The following NRP1 variants were observed in gnomAD, a reference collection of about 807,000 sequenced individuals.
NRP1 encodes the protein neuropilin-1.
In NRP1, 35 loss-of-function variants were observed where a neutral mutation model predicts 106.7. That is an observed-to-expected ratio of 0.33 (90% CI 0.25 to 0.43). NRP1 has a LOEUF of 0.43. Among genes scored for constraint, NRP1 ranks in the 20% least tolerant of loss-of-function variants. The pLI is 1.00. For synonymous variants in NRP1, 437 were observed against 417.9 expected, an observed-to-expected ratio of 1.05 and a Z score of -0.56; for missense variants, 1,024 against 1,170.4, an observed-to-expected ratio of 0.87 and a Z score of 1.83.
intron 9 of NRP1, among the ~76,000 whole-genome samples, chr10:33,209,408 A>G (rs886955045): frequency 1.3e-5 from 2 of 152,226 alleles, no homozygotes; most frequent in African/African-American, 4.8e-5. Context: ...GCTGGCCTTA[A>G]CTGGCGCCCT....
intron 6 of NRP1, among the ~76,000 whole-genome samples, chr10:33,228,512 C>T (rs1839856421): frequency 1.3e-5 from 2 of 152,224 alleles, no homozygotes; most frequent in African/African-American, 2.4e-5. Context: ...TTCTCCAGTG[C>T]CCATGGGCCA....
chr10:33,215,350 TCTCTAA>T (rs1838671544), intron 8 of NRP1, among the ~76,000 whole-genome samples: 2 of 152,154 alleles, frequency 1.3e-5, no homozygotes, highest in Admixed American at 1.3e-4. Flanking sequence ...ATTCCACTGC[TCTCTAA>T]GGCTTTAAGA....
rs1449059094 is a variant in NRP1, at chr10:33,286,367, T to G, written c.249-15511A>C. Among the ~76,000 whole-genome samples, 135 of 152,296 alleles carry G rather than the reference T, an allele frequency of 8.9e-4. 2 individuals are homozygous for G. The highest frequency in any genetic ancestry group is 2.1e-4 in the Non-Finnish European group (14 of 68,028). Reference sequence around the variant, plus strand: ...TGGATGACTAGACTTCCCCTCTGTGTTCTTATCCCTTGAATGCCTTGCTTT... The same window carrying G: ...TGGATGACTAGACTTCCCCTCTGTGGTCTTATCCCTTGAATGCCTTGCTTT... On this transcript the variant is annotated intron_variant, in intron 2 of 16. Coordinates refer to ENST00000374867, the MANE Select transcript of NRP1 (RefSeq NM_003873.7).
At chr10:33,285,275 A>G (rs1319079512) in intron 2 of NRP1, among the ~76,000 whole-genome samples, 1 of 152,228 alleles carries the variant, frequency 6.6e-6, no homozygotes, top group Non-Finnish European at 1.5e-5. Context: ...CCATGAATAG[A>G]ACTAAGCAAT....
intron 9 of NRP1, among the ~76,000 whole-genome samples, chr10:33,209,373 G>C (rs1168694024): frequency 2.0e-5 from 3 of 152,236 alleles, no homozygotes; most frequent in African/African-American, 7.2e-5. Flanking sequence ...CACACAGCAA[G>C]TGGCAGGGCC....
intron 2 of NRP1, among the ~76,000 whole-genome samples, chr10:33,287,621 T>C (rs1478118413): frequency 1.3e-5 from 2 of 152,180 alleles, no homozygotes; most frequent in Admixed American, 1.3e-4. Context: ...ACTATTGAGA[T>C]AGCTAGTTGA....
chr10:33,179,768 G>GGA lies in NRP1; in HGVS notation c.*306_*307dup, dbSNP rs142405266. The GGA allele has an allele frequency of 3.2e-4, 96 of 300,138 alleles. No homozygotes were observed. The highest frequency in any genetic ancestry group is 9.8e-4 in the Middle Eastern group (1 of 1,022). 18.6% of individuals were successfully genotyped at this position (300,138 alleles called of 1,614,324 possible). A position where few individuals can be genotyped will look rare whatever the true frequency, so the allele number is the denominator to read the frequency against. Reference sequence around the variant, plus strand: ...CCAAAAAGAATCCACAAAGGGGAGAGGAGAGAGAGAGAGAGGGGCAGGAGG... The same window carrying GGA: ...CCAAAAAGAATCCACAAAGGGGAGAGGAGAGAGAGAGAGAGAGGGGCAGGAGG... On this transcript the variant is annotated 3_prime_UTR_variant, in exon 17 of 17. Coordinates refer to ENST00000374867, the MANE Select transcript of NRP1 (RefSeq NM_003873.7).
At chr10:33,266,657 T>A (rs1325774125) in intron 3 of NRP1, among the ~76,000 whole-genome samples, 1 of 152,150 alleles carries the variant, frequency 6.6e-6, no homozygotes, top group African/African-American at 2.4e-5. Context: ...TGGATCTGTG[T>A]CCCCACCAAA....
intron 2 of NRP1, among the ~76,000 whole-genome samples, chr10:33,296,045 G>A (rs1845361197): frequency 6.6e-6 from 1 of 152,190 alleles, no homozygotes; most frequent in Non-Finnish European, 1.5e-5. Flanking sequence ...AGTGTGTAAA[G>A]TTGCTTGGAC....
chr10:33,242,662 C>A (rs1286947402), intron 6 of NRP1, among the ~76,000 whole-genome samples: 3 of 152,188 alleles, frequency 2.0e-5, no homozygotes, highest in Non-Finnish European at 4.4e-5. Flanking sequence ...GTGTTTCCCA[C>A]TGGAAATGTG....
chr10:33,306,859 A>G (rs1441227012), intron 2 of NRP1, among the ~76,000 whole-genome samples: 1 of 152,220 alleles, frequency 6.6e-6, no homozygotes, highest in Non-Finnish European at 1.5e-5. Context: ...CTTTGATTGA[A>G]TCAATATTGT....
chr10:33,284,178 T>A (rs1405922248), intron 2 of NRP1, among the ~76,000 whole-genome samples: 1 of 152,240 alleles, frequency 6.6e-6, no homozygotes, highest in Non-Finnish European at 1.5e-5. Flanking sequence ...ATGTTGTTCT[T>A]TACCTTCTTT....
At chr10:33,206,682 T>C (rs142684548) in intron 10 of NRP1, among the ~76,000 whole-genome samples, 1 of 152,234 alleles carries the variant, frequency 6.6e-6, no homozygotes, top group Non-Finnish European at 1.5e-5. Context: ...ATAGTCATTC[T>C]TGAAGCTAGG....
chr10:33,213,165 T>G (rs1164813865), intron 9 of NRP1: 1 of 1,289,698 alleles, frequency 7.8e-7, no homozygotes, highest in South Asian at 1.5e-5. Context: ...AGCCAGGGAA[T>G]GGGACCAGCA....
chr10:33,330,381 C>T (rs1239565459), intron 2 of NRP1, among the ~76,000 whole-genome samples: 1 of 149,640 alleles, frequency 6.7e-6, no homozygotes, highest in Non-Finnish European at 1.5e-5. Flanking sequence ...GTTTCTAGTT[C>T]TTCCCCTCTC....
chr10:33,261,882 T>C (rs1464646044), intron 4 of NRP1, among the ~76,000 whole-genome samples: 1 of 152,112 alleles, frequency 6.6e-6, no homozygotes, highest in Non-Finnish European at 1.5e-5. Context: ...ATTATAGGCC[T>C]GCACCACCAT....
chr10:33,239,647 G>A (rs1840859652), intron 6 of NRP1, among the ~76,000 whole-genome samples: 2 of 152,214 alleles, frequency 1.3e-5, no homozygotes, highest in African/African-American at 4.8e-5. Context: ...CACACTGTGT[G>A]AAGTATTCCT....
intron 11 of NRP1, among the ~76,000 whole-genome samples, chr10:33,199,501 C>T (rs1402715744): frequency 2.1e-5 from 3 of 146,126 alleles, no homozygotes; most frequent in African/African-American, 7.6e-5. Context: ...CTTTGGCCTC[C>T]CAAAGTGCTG....
At position 33,179,798 on chromosome 10, in the gene NRP1, G is replaced by A. The variant is rs1428867353; in HGVS notation, c.*278C>T. On this transcript the variant is annotated 3_prime_UTR_variant, in exon 17 of 17. Coordinates refer to ENST00000374867, the MANE Select transcript of NRP1 (RefSeq NM_003873.7). Reference sequence around the variant, plus strand: ...GAGAGAGAGAGGGGCAGGAGGGGTCGAAATGAATGATTATGTCAATCATAC... The same window carrying A: ...GAGAGAGAGAGGGGCAGGAGGGGTCAAAATGAATGATTATGTCAATCATAC... 1.5e-5 allele frequency: 6 copies of A among 399,084 alleles called. No homozygotes were observed. Among genetic ancestry groups the A allele is most frequent in the African/African-American group, 4.0e-5 (2 of 49,542 alleles). 24.7% of individuals were successfully genotyped at this position (399,084 alleles called of 1,614,324 possible).
Sources: gnomAD v4.1 joint callset for allele counts (sites outside exome capture counted in the v4.1 genomes callset) on GRCh38, gnomAD v4.1.1 for gene constraint, MANE v1.5 for transcripts, NCBI Gene and HGNC (gene_info 2026-07-23, HGNC 2026-07-21) for gene names.